The following CCAR2 variants were observed in gnomAD, a reference collection of about 807,000 sequenced individuals.
CCAR2 encodes the protein cell cycle and apoptosis regulator protein 2.
Under a neutral mutation model 108.1 loss-of-function variants are expected in CCAR2, and 21 were observed. The ratio of observed to expected loss-of-function variants is 0.19; its 90% CI spans 0.14 to 0.28. The LOEUF (loss-of-function observed/expected upper bound fraction) is 0.28, where lower values mean the gene tolerates loss of function less well. Ranked by LOEUF, CCAR2 falls within the 10% of genes least tolerant of loss-of-function variation. CCAR2 has a pLI of 1.00. For missense variants in CCAR2, 1,126 were observed against 1,177.0 expected, an observed-to-expected ratio of 0.96 and a Z score of 0.63; for synonymous variants, 577 against 472.8, an observed-to-expected ratio of 1.22 and a Z score of -2.86.
At chr8:22,607,080 G>GC in intron 5 of CCAR2, 56 bp downstream of exon 5, 2 of 1,609,392 alleles carry the variant, frequency 1.2e-6, no homozygotes, top group Admixed American at 3.4e-5. Context: ...AAGCCCCTGT[G>GC]CCCTGACAGC....
At chr8:22,612,357 T>C (rs945181394) in intron 7 of CCAR2, among the ~76,000 whole-genome samples, 1 of 152,036 alleles carries the variant, frequency 6.6e-6, no homozygotes, top group African/African-American at 2.4e-5. Flanking sequence ...AACTTCTACC[T>C]TCTGGGTTCA....
At position 22,614,494 on chromosome 8, in the gene CCAR2, G is replaced by C. The variant is rs1317085028; in HGVS notation, c.1032G>C (p.Lys344Asn). ...EPRETPEHPL[K>N]QIKFLLGRKE... ...GGGAGACGCCAGAGCATCCTCTGAAGCAGATTAAGGTAAGAGCTGGAGAGC... is the reference window on the plus strand; with the variant it reads ...GGGAGACGCCAGAGCATCCTCTGAACCAGATTAAGGTAAGAGCTGGAGAGC... The change falls in exon 10 of 21, where the codon AAG becomes AAC. Residue 344 changes from lysine to asparagine, a missense_variant. Lys to Asn is a moderately conservative substitution (Grantham distance 94). Transcript: ENST00000308511. 1.2e-6 allele frequency: 2 copies of C among 1,613,898 alleles called. No homozygotes were observed. Among genetic ancestry groups the C allele is most frequent in the Admixed American group, 1.7e-5 (1 of 60,024 alleles).
chr8:22,611,943 CTCT>C (rs145133137), intron 7 of CCAR2, among the ~76,000 whole-genome samples: 36,988 of 143,178 alleles, frequency 0.26, 5,070 homozygotes, highest in South Asian at 0.36. Flanking sequence ...GTAACTGTCT[CTCT>C]TTTTTTTTTT....
intron 3 of CCAR2, among the ~76,000 whole-genome samples, 158 bp downstream of exon 3, chr8:22,606,334 C>T (rs1801077906): frequency 6.6e-6 from 1 of 152,192 alleles, no homozygotes; most frequent in Non-Finnish European, 1.5e-5. Flanking sequence ...CAGACTGGGG[C>T]ATCTTCATTT....
intron 10 of CCAR2, 39 bp from the exon 11 acceptor site, chr8:22,614,799 T>C (rs1563918630): frequency 1.4e-6 from 2 of 1,471,664 alleles, no homozygotes; most frequent in South Asian, 1.2e-5. Context: ...ACCCAGGTAA[T>C]GTAGTTTTTT....
chr8:22,614,900 G>T lies in CCAR2; in HGVS notation c.1104G>T (p.Leu368=). ...VLVGGEWSPS[L]DGLDPQADPQ... Reference sequence around the variant, plus strand: ...TTGGGGGTGAATGGTCTCCTTCCCTGGATGGCCTCGACCCCCAGGCTGACC... The same window carrying T: ...TTGGGGGTGAATGGTCTCCTTCCCTTGATGGCCTCGACCCCCAGGCTGACC... The change falls in exon 11 of 21, where the codon CTG becomes CTT. Residue 368 remains leucine (L), a synonymous_variant. Coordinates refer to ENST00000308511, the MANE Select transcript of CCAR2 (RefSeq NM_001393997.1). 1 of 1,613,928 alleles carries T rather than the reference G, an allele frequency of 6.2e-7. No individual in the cohort carries two copies. Among genetic ancestry groups the T allele is most frequent in the Non-Finnish European group, 8.5e-7 (1 of 1,180,016 alleles).
At chr8:22,604,937 TG>T in intron 1 of CCAR2, 95 bp downstream of exon 1, 1 of 354,958 alleles carries the variant, frequency 2.8e-6, no homozygotes, top group Admixed American at 3.7e-5. Context: ...CGAAGATGCG[TG>T]GGGCGCGGAA....
rs1427803187 is a variant in CCAR2 at position 22,611,404 on chromosome 8, G to GTGTGTGTGTGTGTGTGTGTA, written c.585-1612_585-1611insGTGTGTGTGTGTGTGTGTAT. 1.6e-3 allele frequency among the ~76,000 whole-genome samples: 168 copies of GTGTGTGTGTGTGTGTGTGTA among 105,264 alleles called. 1 individual carries two copies. Among genetic ancestry groups the GTGTGTGTGTGTGTGTGTGTA allele is most frequent in the African/African-American group, 5.4e-3 (159 of 29,184 alleles). 69.1% of individuals were successfully genotyped at this position (105,264 alleles called of 152,430 possible). ...AGTATATATATGTGTGTGTGTGTGT[G>GTGTGTGTGTGTGTGTGTGTA]TATGTGTGTGTATATATGTGTGTAT... On this transcript the variant is annotated intron_variant, in intron 7 of 20. Coordinates refer to ENST00000308511, the MANE Select transcript of CCAR2 (RefSeq NM_001393997.1).
intron 6 of CCAR2, 51 bp from the exon 7 acceptor site, chr8:22,607,918 A>T: frequency 6.7e-7 from 1 of 1,498,544 alleles, no homozygotes; most frequent in Non-Finnish European, 9.3e-7. Context: ...GAGCTATTGC[A>T]CCCGGCCGGT....
intron 1 of CCAR2, chr8:22,605,504 A>G (rs555572639): frequency 4.4e-6 from 2 of 459,482 alleles, no homozygotes; most frequent in South Asian, 3.0e-5. Context: ...TTGTCTGTAA[A>G]ACAGCATGAC....
At position 22,606,891 on chromosome 8, in the gene CCAR2, C is replaced by G; in HGVS notation, c.243-19C>G. 1 of 1,613,270 alleles carries G rather than the reference C, an allele frequency of 6.2e-7. No homozygotes were observed. ...AGGGTCCCTCTTCTGATGGGGCCTT[C>G]TGGCTTGTGTGCTGACAGTGTGGTG... On this transcript the variant is annotated intron_variant, in intron 4 of 20. Coordinates refer to ENST00000308511, the MANE Select transcript of CCAR2 (RefSeq NM_001393997.1).
intron 3 of CCAR2, 61 bp downstream of exon 3, chr8:22,606,237 G>A (rs546658487): frequency 1.5e-5 from 20 of 1,314,148 alleles, no homozygotes; most frequent in Non-Finnish European, 1.8e-5. Flanking sequence ...TGGAGGCCTG[G>A]TGCTCTTTTT....
rs1801496365 is a variant in CCAR2, at chr8:22,616,111, C to G, written c.1708C>G (p.Pro570Ala). The change falls in exon 14 of 21, where the codon CCA becomes GCA. Residue 570 changes from proline (P) to alanine (A), a missense_variant. This residue lies in a region of CCAR2 where 1,013 missense variants were observed against 993.9 expected (regional missense o/e 1.02). Transcript: ENST00000308511. The stretch of plus-strand genomic sequence containing the variant: ...GAGCCTTCCTGAAAAGGTCGTGTCC[C>G]CACCTGAACCTGAGAAGGAGGAGGC... ...LLSLPEKVVS[P>A]PEPEKEEAAK... is the part of the protein sequence containing the mutation. 2 of 1,613,840 alleles carry G rather than the reference C, an allele frequency of 1.2e-6. No homozygotes were observed. The highest frequency in any genetic ancestry group is 1.7e-6 in the Non-Finnish European group (2 of 1,180,018).
intron 14 of CCAR2, 159 bp downstream of exon 14, chr8:22,616,407 C>G (rs1270404619): frequency 5.9e-6 from 4 of 676,464 alleles, no homozygotes; most frequent in African/African-American, 1.8e-5. Flanking sequence ...ACACCTAGTG[C>G]AAGGGAAGGT....
In CCAR2 at chr8:22,619,369, G is replaced by T; in HGVS notation, c.2727+14G>T. The T allele has an allele frequency of 6.4e-7, 1 of 1,552,456 alleles. No individual in the cohort carries two copies. Among genetic ancestry groups the T allele is most frequent in the East Asian group, 2.4e-5 (1 of 41,292 alleles). ...GTGGTGGAAAAGGTAAGGTGGGGGTGGACCAGGAGGCAGCACAGCTCCTTT... is the reference window on the plus strand; with the variant it reads ...GTGGTGGAAAAGGTAAGGTGGGGGTTGACCAGGAGGCAGCACAGCTCCTTT... On this transcript the variant is annotated intron_variant, in intron 20 of 20. Coordinates refer to ENST00000308511, the MANE Select transcript of CCAR2 (RefSeq NM_001393997.1).
intron 14 of CCAR2, 108 bp downstream of exon 14, chr8:22,616,356 C>G (rs890872596): frequency 4.9e-6 from 5 of 1,028,248 alleles, no homozygotes; most frequent in African/African-American, 1.6e-5. Flanking sequence ...TCCCTGCACC[C>G]TTGCTCGGCA....
chr8:22,616,318 T>C (rs1171011586), intron 14 of CCAR2, 70 bp downstream of exon 14: 3 of 1,424,750 alleles, frequency 2.1e-6, no homozygotes, highest in Admixed American at 1.7e-5. Context: ...CGGGCTCTGT[T>C]CCGAGCGCTT....
chr8:22,614,189 C>A lies in CCAR2; in HGVS notation c.802C>A (p.Pro268Thr), dbSNP rs147153683. Residue 268 changes from proline to threonine, a missense_variant, in exon 9 of 21, where the codon CCC becomes ACC. Coordinates refer to ENST00000308511, the MANE Select transcript of CCAR2 (RefSeq NM_001393997.1). ...SVHLSWLSAF[P>T]LSQPFSLHHP... ...GCATCTGAGTTGGCTATCAGCCTTCCCCCTGAGCCAGCCCTTTTCCCTCCA... is the reference window on the plus strand; with the variant it reads ...GCATCTGAGTTGGCTATCAGCCTTCACCCTGAGCCAGCCCTTTTCCCTCCA... The A allele has an allele frequency of 2.0e-4, 315 of 1,613,980 alleles. 1 individual carries two copies. Among genetic ancestry groups the A allele is most frequent in the Non-Finnish European group, 2.4e-4 (289 of 1,180,046 alleles).
chr8:22,607,046 G>T lies in CCAR2; in HGVS notation c.357+22G>T, dbSNP rs375583128. 6.9e-5 allele frequency: 112 copies of T among 1,612,140 alleles called. 1 individual carries two copies. The highest frequency in any genetic ancestry group is 3.3e-4 in the South Asian group (30 of 90,900). On this transcript the variant is annotated intron_variant, in intron 5 of 20. Coordinates refer to ENST00000308511, the MANE Select transcript of CCAR2 (RefSeq NM_001393997.1). ...CCAGGTATTCATATCTCCTTAGCAT[G>T]TGCATTGGAAAGGGAAGGGATGGAA...
Sources: allele counts gnomAD v4.1 joint callset (sites outside exome capture counted in the v4.1 genomes callset), GRCh38; gene constraint gnomAD v4.1.1; regional missense constraint gnomAD v4.1.1; transcripts MANE v1.5; gene names NCBI Gene and HGNC (gene_info 2026-07-23, HGNC 2026-07-21).